Variants in ARHGEF1 observed in about 807,000 individuals in gnomAD.
The protein encoded by ARHGEF1 is Rho guanine nucleotide exchange factor 1.
A neutral mutation model predicts 119.7 loss-of-function variants in ARHGEF1; 40 were observed. The observed-to-expected ratio is 0.33, with a 90% confidence interval of 0.26 to 0.44. The LOEUF (loss-of-function observed/expected upper bound fraction) is 0.44, where lower values mean the gene tolerates loss of function less well. Among genes scored for constraint, ARHGEF1 ranks in the 20% least tolerant of loss-of-function variants. The pLI, the probability that ARHGEF1 is intolerant of heterozygous loss-of-function variation, is 1.00. For missense variants in ARHGEF1, 976 were observed against 1,268.3 expected (o/e 0.77, Z 3.50); for synonymous variants, 494 against 521.0 (o/e 0.95, Z 0.71).
chr19:41,920,716 C>T (rs1394553241), upstream of ARHGEF1, among the ~76,000 whole-genome samples: 1 of 152,264 alleles, frequency 6.6e-6, no homozygotes, highest in Non-Finnish European at 1.5e-5. Context: ...CACATGCGCA[C>T]ACACACACTC....
intron 1 of ARHGEF1, chr19:41,928,747 G>A (rs1166476824): frequency 2.8e-6 from 1 of 353,738 alleles, no homozygotes; most frequent in Non-Finnish European, 5.7e-6. Flanking sequence ...CTGAGGGAGT[G>A]GGGGTGGGGC....
intron 4 of ARHGEF1, chr19:41,890,405 G>GGA (rs112216859): frequency 2.0e-5 from 3 of 151,186 alleles, no homozygotes; most frequent in African/African-American, 7.3e-5. Context: ...CCAGAACTTT[G>GGA]GAGGCTGAGG....
chr19:41,921,756 G>A (rs1261745098), upstream of ARHGEF1, among the ~76,000 whole-genome samples: 2 of 151,378 alleles, frequency 1.3e-5, no homozygotes, highest in Non-Finnish European at 3.0e-5. The surrounding 1 kb of genome is among the most constrained non-coding windows in gnomAD (Gnocchi z 4.4). Flanking sequence ...GGTGTAGGCC[G>A]GGTGGCGGGC....
Position 41,906,752 on chromosome 19 carries a change from G to A in ARHGEF1, c.2705G>A (p.Gly902Glu). The change falls in exon 28 of 29, where the codon GGG becomes GAG. Residue 902 changes from glycine (G) to glutamate (E), a missense_variant. By Grantham distance (98) the Gly-to-Glu change is moderately conservative (BLOSUM62 -2). Transcript: ENST00000354532. This position sits in a 1 kb window ranked among gnomAD's most constrained non-coding sequence, Gnocchi z 4.5. ...CTGAGACCCCTCCTGTCTCAGCTTG[G>A]GGGGAACTCTGTCCCCCAGCCTGGC... ...CRLRPLLSQL[G>E]GNSVPQPGCT 1 of 1,611,824 alleles carries A rather than the reference G, an allele frequency of 6.2e-7. No homozygotes were observed. Among genetic ancestry groups the A allele is most frequent in the Non-Finnish European group, 8.5e-7 (1 of 1,179,088 alleles).
At chr19:41,927,576 G>A (rs2074879104) in intron 1 of ARHGEF1, among the ~76,000 whole-genome samples, 1 of 151,936 alleles carries the variant, frequency 6.6e-6, no homozygotes, top group South Asian at 2.1e-4. Flanking sequence ...CGCCCCAAGT[G>A]TCCAGTCTCT....
rs1555849791 is a variant in ARHGEF1 at position 41,904,905 on chromosome 19, G to C, written c.2162-44G>C. The stretch of plus-strand genomic sequence containing the variant: ...TTGTGCTTAGGGAGGGGCAGGCACT[G>C]GGGGGACCTGGGCTCTGAGCCCCAT... On this transcript the variant is annotated intron_variant, in intron 22 of 28. Transcript: ENST00000354532. This position sits in a 1 kb window ranked among gnomAD's most constrained non-coding sequence, Gnocchi z 8.4. The C allele has an allele frequency of 1.3e-6, 2 of 1,543,576 alleles. No homozygotes were observed. The highest frequency in any genetic ancestry group is 1.8e-6 in the Non-Finnish European group (2 of 1,116,428).
intron 1 of ARHGEF1, 68 bp from the exon 2 acceptor site, chr19:41,887,996 A>C: frequency 2.6e-6 from 4 of 1,533,402 alleles, no homozygotes; most frequent in Non-Finnish European, 3.5e-6. Flanking sequence ...TGGGCCAGGA[A>C]TCTGTGAGTA....
At position 41,907,191 on chromosome 19, in the gene ARHGEF1, G is replaced by C; in HGVS notation, c.*104G>C. ...GCTGCCGCAGCATCTCACACCCCGA[G>C]GGCCTGAGGAGAGGGAGCTGTGGGC... On this transcript the variant is annotated 3_prime_UTR_variant, in exon 29 of 29. Coordinates refer to ENST00000354532, the MANE Select transcript of ARHGEF1 (RefSeq NM_004706.4). The C allele has an allele frequency of 6.6e-7, 1 of 1,523,416 alleles. No individual in the cohort carries two copies. The highest frequency in any genetic ancestry group is 8.8e-7 in the Non-Finnish European group (1 of 1,141,564). 94.4% of individuals were successfully genotyped at this position (1,523,416 alleles called of 1,614,324 possible).
chr19:41,922,440 C>T (rs782200994), upstream of ARHGEF1, among the ~76,000 whole-genome samples: 6 of 152,072 alleles, frequency 3.9e-5, no homozygotes, highest in Middle Eastern at 3.4e-3. Context: ...GACTGAGATG[C>T]GGGAGCACAC....
In ARHGEF1 at chr19:41,902,077, C is replaced by T. The variant is rs375038098; in HGVS notation, c.1414+44C>T. Reference sequence around the variant, plus strand: ...TCCCTCTGTGTACCCCACTGCCCCACGGGCAGCTCTGCTCTAGCCCTGGGT... The same window carrying T: ...TCCCTCTGTGTACCCCACTGCCCCATGGGCAGCTCTGCTCTAGCCCTGGGT... On this transcript the variant is annotated intron_variant, in intron 15 of 28. Transcript: ENST00000354532. The surrounding 1 kb of genome is among the most constrained non-coding windows in gnomAD (Gnocchi z 6.5). The T allele has an allele frequency of 1.6e-5, 25 of 1,607,472 alleles. No individual in the cohort carries two copies. The highest frequency in any genetic ancestry group is 2.0e-5 in the Non-Finnish European group (24 of 1,176,206).
rs1555847378 is a variant in ARHGEF1, at chr19:41,895,437, T to C, written c.966T>C (p.Pro322=). ...RNIGAPGQDT[P]GVSLHPLSLD... ...TCGGGGCTCCTGGGCAGGACACCCCTGGAGTCTCTCTGCACCCTCTGTCCC... is the reference window on the plus strand; with the variant it reads ...TCGGGGCTCCTGGGCAGGACACCCCCGGAGTCTCTCTGCACCCTCTGTCCC... Residue 322 remains proline, a synonymous_variant, in exon 12 of 29, where the codon CCT becomes CCC. Coordinates refer to ENST00000354532, the MANE Select transcript of ARHGEF1 (RefSeq NM_004706.4). 3.7e-6 allele frequency: 6 copies of C among 1,612,382 alleles called. No individual in the cohort carries two copies. Among genetic ancestry groups the C allele is most frequent in the African/African-American group, 1.3e-5 (1 of 74,826 alleles).
chr19:41,896,469 G>A lies in ARHGEF1; in HGVS notation c.1108G>A (p.Ala370Thr), dbSNP rs782513419. 7 of 1,485,646 alleles carry A rather than the reference G, an allele frequency of 4.7e-6. No homozygotes were observed. Among genetic ancestry groups the A allele is most frequent in the Non-Finnish European group, 6.3e-6 (7 of 1,117,156 alleles). The allele number at this position is 1,485,646 out of a possible 1,614,324, so 92.0% of individuals were successfully genotyped here. A position where few individuals can be genotyped will look rare whatever the true frequency, so the allele number is the denominator to read the frequency against. Residue 370 changes from alanine (A) to threonine (T), a missense_variant, in exon 13 of 29, where the codon GCC becomes ACC. By Grantham distance (58) the Ala-to-Thr change is moderately conservative. Around this residue, in one of 3 missense-constraint regions of ARHGEF1, gnomAD observed 519 missense variants for 580.9 expected, o/e 0.89. Transcript: ENST00000354532. ...LAPPESTDEG[A>T]ETESPEPGDE... The stretch of plus-strand genomic sequence containing the variant: ...GCCCCCAGAGAGTACCGACGAGGGG[G>A]CCGAAACCGAGAGGTGCCCAGGCTG...
At position 41,888,836 on chromosome 19, in the gene ARHGEF1, G is replaced by A. The variant is rs200954009; in HGVS notation, c.196G>A (p.Val66Met). The A allele has an allele frequency of 2.0e-5, 32 of 1,614,074 alleles. No individual in the cohort carries two copies. Among genetic ancestry groups the A allele is most frequent in the Middle Eastern group, 3.3e-4 (2 of 6,084 alleles). Residue 66 changes from valine (V) to methionine (M), a missense_variant, in exon 4 of 29, where the codon GTG becomes ATG. By Grantham distance (21) the Val-to-Met change is conservative (BLOSUM62 1). This residue lies in a region of ARHGEF1 where 519 missense variants were observed against 580.9 expected (regional missense o/e 0.89). Coordinates refer to ENST00000354532, the MANE Select transcript of ARHGEF1 (RefSeq NM_004706.4). This position sits in a 1 kb window ranked among gnomAD's most constrained non-coding sequence, Gnocchi z 5.1. ...CCACCTCATGGCCCTCCTGCAGCAC[G>A]TGGCCCTGCAGTTTGAGCCAGGACC... Reference protein sequence around the residue: ...PAHLMALLQHVALQFEPGPLL... With the variant: ...PAHLMALLQHMALQFEPGPLL...
chr19:41,888,115 A>C lies in ARHGEF1; in HGVS notation c.24+9A>C. 2 of 1,613,934 alleles carry C rather than the reference A, an allele frequency of 1.2e-6. No homozygotes were observed. The highest frequency in any genetic ancestry group is 1.7e-6 in the Non-Finnish European group (2 of 1,179,992). ...ACTTCGCCCGAGGGGCGGTGAGTGG[A>C]CAGAGCAAGGGGTGAGGCGACTCTG... On this transcript the variant is annotated intron_variant, in intron 2 of 28. Transcript: ENST00000354532. The surrounding 1 kb of genome is among the most constrained non-coding windows in gnomAD (Gnocchi z 5.1).
At chr19:41,894,123 A>T (rs200488330) in intron 8 of ARHGEF1, 84 bp from the exon 9 acceptor site, 137 of 650,074 alleles carry the variant, frequency 2.1e-4, no homozygotes, top group South Asian at 2.8e-4. Context: ...AGAGAGAGAG[A>T]GTGTGTGTGT....
At chr19:41,927,367 A>G (rs1305627742) in intron 1 of ARHGEF1, among the ~76,000 whole-genome samples, 2 of 152,020 alleles carry the variant, frequency 1.3e-5, no homozygotes, top group African/African-American at 4.8e-5. Flanking sequence ...AGACCCTGTG[A>G]CCCCTCATAC....
chr19:41,904,100 C>A lies in ARHGEF1; in HGVS notation c.1983C>A (p.Asp661Glu). The change falls in exon 21 of 29, where the codon GAC (aspartate) becomes GAA (glutamate). Residue 661 changes from aspartate (D) to glutamate (E), a missense_variant. Transcript: ENST00000354532. The surrounding 1 kb of genome is among the most constrained non-coding windows in gnomAD (Gnocchi z 8.4). ...CACTGACGTGGCGGGTGACTAAGGACAAGGCAGTGGGTGAGTGCCAGAGCA... is the reference window on the plus strand; with the variant it reads ...CACTGACGTGGCGGGTGACTAAGGAAAAGGCAGTGGGTGAGTGCCAGAGCA... ...EGPLTWRVTK[D>E]KAVEVHVLLL... The A allele has an allele frequency of 6.2e-7, 1 of 1,614,180 alleles. No homozygotes were observed. The highest frequency in any genetic ancestry group is 8.5e-7 in the Non-Finnish European group (1 of 1,180,040).
rs1428515149 is a variant in ARHGEF1, at chr19:41,905,753, C to T, written c.2337-7C>T. The T allele has an allele frequency of 6.2e-7, 1 of 1,613,830 alleles. No homozygotes were observed. The highest frequency in any genetic ancestry group is 8.5e-7 in the Non-Finnish European group (1 of 1,179,964). ...GTGTGGGGTCACCCAGCACTTCCTC[C>T]CCTCAGCACCCGAGAACCCCTCCTC... is the stretch of plus-strand genomic sequence containing the variant. On this transcript the variant is annotated splice_polypyrimidine_tract_variant and splice_region_variant and intron_variant, in intron 24 of 28. Transcript: ENST00000354532. The surrounding 1 kb of genome is among the most constrained non-coding windows in gnomAD (Gnocchi z 6.4).
intron 1 of ARHGEF1, chr19:41,928,392 AGCGCGGGCGG>A (rs1367563865): frequency 1.3e-5 from 2 of 153,282 alleles, no homozygotes; most frequent in African/African-American, 4.8e-5. Context: ...CAGCACAGCG[AGCGCGGGCGG>A]GCGCGCGCCG....
Sources: gnomAD v4.1 joint callset for allele counts (sites outside exome capture counted in the v4.1 genomes callset) on GRCh38, gnomAD v4.1.1 for gene constraint, gnomAD v4.1.1 regional missense constraint, Gnocchi (gnomAD v3.1) non-coding constraint, MANE v1.5 for transcripts, NCBI Gene and HGNC (gene_info 2026-07-23, HGNC 2026-07-21) for gene names.